TMEM164: variants seen among roughly 807,000 people sequenced by gnomAD.
The protein encoded by TMEM164 is RP13-360B22.2.
In TMEM164, 4 loss-of-function variants were observed where a neutral mutation model predicts 18.8. The ratio of observed to expected loss-of-function variants is 0.21; its 90% CI spans 0.10 to 0.49. The LOEUF is 0.49. TMEM164 is among the 20% of genes least tolerant of loss of function. The probability of loss-of-function intolerance (pLI) is 0.98; values close to 1 mark genes in which losing one functional copy is unlikely to be tolerated. For synonymous variants in TMEM164, 86 were observed against 101.7 expected, an observed-to-expected ratio of 0.85 and a Z score of 0.93; for missense variants, 108 against 239.9, an observed-to-expected ratio of 0.45 and a Z score of 3.63.
At chrX:110,142,734 G>A (rs1016797089) in intron 4 of TMEM164, among the ~76,000 whole-genome samples, 1 of 113,385 alleles carries the variant, frequency 8.8e-6, no homozygotes, top group African/African-American at 3.2e-5. Flanking sequence ...GAGGTGGAGA[G>A]GTTAAGGGCC....
chrX:110,013,494 C>A (rs1051613377), intron 2 of TMEM164, among the ~76,000 whole-genome samples: 1 of 112,166 alleles, frequency 8.9e-6, no homozygotes. Flanking sequence ...TTAATCAGAT[C>A]TGAGTGGCTG....
intron 4 of TMEM164, among the ~76,000 whole-genome samples, chrX:110,110,498 G>A (rs191049084): frequency 1.8e-5 from 2 of 112,275 alleles, no homozygotes; most frequent in African/African-American, 6.5e-5. Flanking sequence ...GAGAGGATGA[G>A]TTCATGATCT....
At chrX:110,104,624 T>C (rs895586235) in intron 3 of TMEM164, among the ~76,000 whole-genome samples, 2 of 112,113 alleles carry the variant, frequency 1.8e-5, no homozygotes, top group African/African-American at 6.5e-5. Context: ...TGTGAACAGA[T>C]GATGCAAACT....
chrX:110,031,766 C>T (rs1397919165), intron 2 of TMEM164, among the ~76,000 whole-genome samples: 1 of 110,117 alleles, frequency 9.1e-6, no homozygotes, highest in African/African-American at 3.3e-5. Context: ...CTCCCTAATC[C>T]CTCCTTTCCC....
chrX:110,157,108 A>T (rs1433016172), intron 5 of TMEM164, among the ~76,000 whole-genome samples: 3 of 111,720 alleles, frequency 2.7e-5, no homozygotes, highest in Non-Finnish European at 1.9e-5. Context: ...CATTGGAATG[A>T]ATGAGCTGGT....
At position 110,100,413 on chromosome X, in the gene TMEM164, A is replaced by G. The variant is rs138344563; in HGVS notation, c.441-8667A>G. 4.3e-3 allele frequency among the ~76,000 whole-genome samples: 483 copies of G among 111,631 alleles called. 1 individual carries two copies. Among genetic ancestry groups the G allele is most frequent in the African/African-American group, 0.014 (442 of 30,729 alleles). ...AATTTTTATCATGAATAGATACTGAATTTTGACAAAATACCCTTTCTGTAT... is the reference window on the plus strand; with the variant it reads ...AATTTTTATCATGAATAGATACTGAGTTTTGACAAAATACCCTTTCTGTAT... On this transcript the variant is annotated intron_variant, in intron 3 of 6. Coordinates refer to ENST00000372068, the MANE Select transcript of TMEM164 (RefSeq NM_032227.4).
chrX:110,105,683 C>CAG (rs2066180671), intron 3 of TMEM164, among the ~76,000 whole-genome samples: 1 of 76,545 alleles, frequency 1.3e-5, no homozygotes, highest in South Asian at 5.3e-4. Context: ...AACACAGACA[C>CAG]ACACACACAC....
At chrX:110,106,223 A>C (rs1025697779) in intron 3 of TMEM164, among the ~76,000 whole-genome samples, 3 of 111,303 alleles carry the variant, frequency 2.7e-5, no homozygotes, top group Non-Finnish European at 5.6e-5. Flanking sequence ...TCTTGATGTT[A>C]GTTTTATCTT....
At chrX:110,061,307 T>A (rs1394033374) in intron 2 of TMEM164, among the ~76,000 whole-genome samples, 1 of 112,378 alleles carries the variant, frequency 8.9e-6, no homozygotes. Context: ...TTGTCTCTAT[T>A]TTACAGATGA....
At chrX:110,153,977 T>G (rs2066981863) in intron 5 of TMEM164, among the ~76,000 whole-genome samples, 1 of 110,698 alleles carries the variant, frequency 9.0e-6, no homozygotes, top group African/African-American at 3.3e-5. Context: ...TATTTTTTTT[T>G]ACTATTGTTA....
intron 2 of TMEM164, among the ~76,000 whole-genome samples, chrX:110,044,535 G>A (rs775419015): frequency 9.5e-6 from 1 of 105,673 alleles, no homozygotes; most frequent in African/African-American, 3.5e-5. Flanking sequence ...GAACTCCTAG[G>A]CTGAAGCAAT....
chrX:110,117,822 A>G (rs1278490574), intron 4 of TMEM164, among the ~76,000 whole-genome samples: 1 of 112,174 alleles, frequency 8.9e-6, no homozygotes, highest in Non-Finnish European at 1.9e-5. Flanking sequence ...TTGCTTGTAC[A>G]TGGAGATTAA....
At chrX:110,120,368 C>T (rs1388261459) in intron 4 of TMEM164, among the ~76,000 whole-genome samples, 3 of 112,342 alleles carry the variant, frequency 2.7e-5, no homozygotes, top group African/African-American at 9.7e-5. Flanking sequence ...GTGAGTGCTT[C>T]CACTCCTTAG....
intron 5 of TMEM164, among the ~76,000 whole-genome samples, chrX:110,151,798 A>T (rs912039632): frequency 3.1e-4 from 34 of 110,824 alleles, no homozygotes; most frequent in African/African-American, 1.1e-3. Flanking sequence ...AATAAAATAA[A>T]ATAAAATTGG....
intron 4 of TMEM164, among the ~76,000 whole-genome samples, chrX:110,118,665 A>G (rs1346155448): frequency 9.0e-6 from 1 of 111,487 alleles, no homozygotes; most frequent in Non-Finnish European, 1.9e-5. Flanking sequence ...GTACACACAC[A>G]TGTGGCTAGT....
In TMEM164 at chrX:110,173,843, A is replaced by G. The variant is rs1054592013; in HGVS notation, c.*392A>G. 9 of 158,868 alleles carry G rather than the reference A, an allele frequency of 5.7e-5. No individual in the cohort carries two copies. Among genetic ancestry groups the G allele is most frequent in the South Asian group, 4.2e-4 (3 of 7,064 alleles). 13.1% of individuals were successfully genotyped at this position (158,868 alleles called of 1,213,427 possible). ...AAGCAATGAGATTGGGTTGTGTTTCATTTCTCCACTGCCAGGGACCTCCAG... is the reference window on the plus strand; with the variant it reads ...AAGCAATGAGATTGGGTTGTGTTTCGTTTCTCCACTGCCAGGGACCTCCAG... On this transcript the variant is annotated 3_prime_UTR_variant, in exon 7 of 7. Transcript: ENST00000372068.
rs777069379 is a variant in TMEM164, at chrX:110,167,949, C to T, written c.587-3471C>T. 5.6e-4 allele frequency among the ~76,000 whole-genome samples: 63 copies of T among 112,014 alleles called. 1 individual carries two copies. The highest frequency in any genetic ancestry group is 1.5e-3 in the African/African-American group (45 of 30,783). ...TTTCCCTCTGCAGCATGGGGCAAGA[C>T]GGGAGGAGCATGATAACAGGGCTGG... On this transcript the variant is annotated intron_variant, in intron 5 of 6. Transcript: ENST00000372068.
chrX:110,026,545 C>T (rs1298114908), intron 2 of TMEM164, among the ~76,000 whole-genome samples: 1 of 110,974 alleles, frequency 9.0e-6, no homozygotes, highest in Non-Finnish European at 1.9e-5. Context: ...GGGTAATAGG[C>T]CTATTACCTA....
intron 4 of TMEM164, among the ~76,000 whole-genome samples, chrX:110,119,351 T>C (rs1441104833): frequency 1.8e-5 from 2 of 110,763 alleles, no homozygotes; most frequent in Non-Finnish European, 3.8e-5. Flanking sequence ...CCCAGCACTT[T>C]GGGAGGGCAA....
Sources: allele counts gnomAD v4.1 joint callset (sites outside exome capture counted in the v4.1 genomes callset), GRCh38; gene constraint gnomAD v4.1.1; transcripts MANE v1.5; gene names NCBI Gene and HGNC (gene_info 2026-07-23, HGNC 2026-07-21).